Variants in PRKN observed in about 807,000 individuals in gnomAD.
PRKN encodes the protein parkin RBR E3 ubiquitin protein ligase.
Under a neutral mutation model 59.5 loss-of-function variants are expected in PRKN, and 56 were observed. The observed-to-expected ratio is 0.94, with a 90% confidence interval of 0.76 to 1.18. The LOEUF (loss-of-function observed/expected upper bound fraction) is 1.18, where lower values mean the gene tolerates loss of function less well. PRKN is among the 50% of genes most tolerant of loss of function. PRKN has a pLI of 0.00. For missense variants in PRKN, 657 were observed against 596.4 expected (o/e 1.10, Z -1.06); for synonymous variants, 250 against 222.1 (o/e 1.13, Z -1.12).
intron 1 of PRKN, among the ~76,000 whole-genome samples, chr6:162,467,831 C>T (rs866197540): frequency 6.6e-6 from 1 of 152,110 alleles, no homozygotes; most frequent in Admixed American, 6.6e-5. Flanking sequence ...ACGCCGCCCA[C>T]CGAGCTCCCG....
chr6:162,168,888 A>G (rs1021572800), intron 4 of PRKN, among the ~76,000 whole-genome samples: 1 of 152,214 alleles, frequency 6.6e-6, no homozygotes, highest in African/African-American at 2.4e-5. Flanking sequence ...ATGTACACCC[A>G]CAGACATGCT....
chr6:161,489,986 G>T (rs946456938), intron 9 of PRKN, among the ~76,000 whole-genome samples: 5 of 152,176 alleles, frequency 3.3e-5, no homozygotes, highest in African/African-American at 1.2e-4. Flanking sequence ...AGTAACTCCT[G>T]GGTTCTCCTT....
chr6:161,728,398 A>T (rs935885126), intron 7 of PRKN, among the ~76,000 whole-genome samples: 1 of 152,124 alleles, frequency 6.6e-6, no homozygotes, highest in African/African-American at 2.4e-5. Context: ...ATTAGCCTAC[A>T]CTGCCCTCCA....
intron 4 of PRKN, among the ~76,000 whole-genome samples, chr6:162,094,520 AATTT>A (rs1189454901): frequency 3.3e-5 from 5 of 151,044 alleles, no homozygotes; most frequent in Non-Finnish European, 6.0e-5. Flanking sequence ...TTAATTAATT[AATTT>A]AATTTAATTT....
At position 162,696,559 on chromosome 6, in the gene PRKN, C is replaced by CTTTTTTTTT. The variant is rs748055251; in HGVS notation, c.7+31094_7+31102dup. ...TTCAAATGATTTGTGTCAGGAAAAACTTTTTTTTTTTTTTCTTTTTTTTGA... is the reference window on the plus strand; with the variant it reads ...TTCAAATGATTTGTGTCAGGAAAAACTTTTTTTTTTTTTTTTTTTTTTTCTTTTTTTTGA... On this transcript the variant is annotated intron_variant, in intron 1 of 11. Transcript: ENST00000366898. Among the ~76,000 whole-genome samples the CTTTTTTTTT allele has an allele frequency of 6.5e-5, 7 of 108,506 alleles. 1 individual carries two copies. Among genetic ancestry groups the CTTTTTTTTT allele is most frequent in the African/African-American group, 1.8e-4 (5 of 27,774 alleles). 71.2% of individuals were successfully genotyped at this position (108,506 alleles called of 152,430 possible).
rs114210947 is a variant in PRKN at position 161,836,299 on chromosome 6, G to A, written c.735-50391C>T. Among the ~76,000 whole-genome samples the A allele has an allele frequency of 5.0e-3, 769 of 152,308 alleles. 4 individuals carry two copies. The highest frequency in any genetic ancestry group is 0.017 in the African/African-American group (726 of 41,578). On this transcript the variant is annotated intron_variant, in intron 6 of 11. Transcript: ENST00000366898. ...GCTACTCATCCCAGCAGCATGCAGA[G>A]GTTCTGCGATGCCAGTGGTCACAGG...
chr6:162,100,680 G>A (rs931192669), intron 4 of PRKN, among the ~76,000 whole-genome samples: 1 of 152,064 alleles, frequency 6.6e-6, no homozygotes, highest in African/African-American at 2.4e-5. Flanking sequence ...GACCTCAGAT[G>A]ATCTGTCCCC....
At chr6:162,135,146 T>A (rs1473529318) in intron 4 of PRKN, among the ~76,000 whole-genome samples, 1 of 152,068 alleles carries the variant, frequency 6.6e-6, no homozygotes, top group Non-Finnish European at 1.5e-5. Flanking sequence ...TGTTGTTGTT[T>A]GGCTTTTACA....
At chr6:161,957,075 A>G (rs938988036) in intron 6 of PRKN, among the ~76,000 whole-genome samples, 6 of 152,218 alleles carry the variant, frequency 3.9e-5, no homozygotes, top group Non-Finnish European at 7.3e-5. Flanking sequence ...CAGCTGCCCA[A>G]TACAGAATGG....
At chr6:161,702,005 T>G (rs1389226455) in intron 7 of PRKN, among the ~76,000 whole-genome samples, 1 of 152,220 alleles carries the variant, frequency 6.6e-6, no homozygotes, top group East Asian at 1.9e-4. Context: ...GCACTTTTAC[T>G]TAGCTTATTG....
intron 1 of PRKN, among the ~76,000 whole-genome samples, chr6:162,714,310 C>T (rs1778645224): frequency 6.6e-6 from 1 of 152,148 alleles, no homozygotes; most frequent in Non-Finnish European, 1.5e-5. Context: ...ATCAGACTTC[C>T]TTCTTTGCTT....
intron 4 of PRKN, among the ~76,000 whole-genome samples, chr6:162,079,582 C>G (rs777299223): frequency 1.3e-5 from 2 of 152,070 alleles, no homozygotes; most frequent in Non-Finnish European, 2.9e-5. Context: ...TTAAACCCCT[C>G]TCATGGTTCC....
At chr6:162,623,888 G>T (rs919376413) in intron 1 of PRKN, among the ~76,000 whole-genome samples, 2 of 152,142 alleles carry the variant, frequency 1.3e-5, no homozygotes, top group Non-Finnish European at 2.9e-5. Flanking sequence ...GGTGGGGGCA[G>T]AGATGCTTCA....
rs1487399876 is a variant in PRKN at position 161,419,397 on chromosome 6, T to C, written c.1084-32520A>G. ...TTCCTTTTTTCTTTTTTCTTCTTCT[T>C]TTTTTTTTTAAATGGAGTCTCGCTC... is the stretch of plus-strand genomic sequence containing the variant. On this transcript the variant is annotated intron_variant, in intron 9 of 11. Transcript: ENST00000366898. The surrounding 1 kb of genome is among the most constrained non-coding windows in gnomAD (Gnocchi z 4.1). 2.0e-4 allele frequency among the ~76,000 whole-genome samples: 1 copy of C among 4,968 alleles called. No homozygotes were observed. Among genetic ancestry groups the C allele is most frequent in the Admixed American group, 2.4e-3 (1 of 416 alleles). 3.3% of individuals were successfully genotyped at this position (4,968 alleles called of 152,430 possible). A position where few individuals can be genotyped will look rare whatever the true frequency, so the allele number is the denominator to read the frequency against.
intron 3 of PRKN, among the ~76,000 whole-genome samples, chr6:162,220,095 TAAA>T (rs1477871955): frequency 6.6e-6 from 1 of 152,116 alleles, no homozygotes; most frequent in East Asian, 1.9e-4. Context: ...CAAGATGGAT[TAAA>T]GACAATCCAT....
At chr6:161,871,323 T>C (rs1373519523) in intron 6 of PRKN, among the ~76,000 whole-genome samples, 1 of 152,044 alleles carries the variant, frequency 6.6e-6, no homozygotes, top group Non-Finnish European at 1.5e-5. Context: ...GTACTTTTGG[T>C]GCAGTCATTT....
intron 6 of PRKN, among the ~76,000 whole-genome samples, chr6:161,866,690 C>T (rs1794124754): frequency 6.6e-6 from 1 of 152,148 alleles, no homozygotes; most frequent in South Asian, 2.1e-4. Flanking sequence ...TTGCCACAAA[C>T]CTTCAATCTG....
intron 3 of PRKN, among the ~76,000 whole-genome samples, chr6:162,252,933 T>C (rs1179888600): frequency 6.6e-6 from 1 of 152,210 alleles, no homozygotes. Context: ...ATTAAGTTAG[T>C]AAGCATCAAC....
chr6:161,959,292 G>A (rs1206966675), intron 6 of PRKN, among the ~76,000 whole-genome samples: 1 of 152,062 alleles, frequency 6.6e-6, no homozygotes. Context: ...CCTGGCAGCC[G>A]CACCGAGAGG....
Sources: gnomAD v4.1 joint callset for allele counts (sites outside exome capture counted in the v4.1 genomes callset) on GRCh38, gnomAD v4.1.1 for gene constraint, Gnocchi (gnomAD v3.1) non-coding constraint, MANE v1.5 for transcripts, NCBI Gene and HGNC (gene_info 2026-07-23, HGNC 2026-07-21) for gene names.